The following ARL13B variants were observed in gnomAD, a reference collection of about 807,000 sequenced individuals.
The protein encoded by ARL13B is ARF like GTPase 13B.
A neutral mutation model predicts 56.1 loss-of-function variants in ARL13B; 36 were observed. The observed-to-expected ratio is 0.64, with a 90% confidence interval of 0.49 to 0.85. ARL13B has a LOEUF of 0.85. ARL13B is among the 40% of genes least tolerant of loss of function. The pLI is 0.00. For synonymous variants in ARL13B, 178 were observed against 171.1 expected, an observed-to-expected ratio of 1.04 and a Z score of -0.32; for missense variants, 519 against 507.1, an observed-to-expected ratio of 1.02 and a Z score of -0.23.
At chr3:94,035,939 G>C (rs1251697343) in intron 4 of ARL13B, among the ~76,000 whole-genome samples, 1 of 152,100 alleles carries the variant, frequency 6.6e-6, no homozygotes, top group Non-Finnish European at 1.5e-5. Flanking sequence ...GGGTGTGGTA[G>C]TGTGTTCCTG....
intron 3 of ARL13B, among the ~76,000 whole-genome samples, chr3:94,005,917 C>T (rs2076126351): frequency 2.6e-5 from 4 of 152,034 alleles, no homozygotes; most frequent in South Asian, 4.2e-4. Context: ...ATTGACTTAC[C>T]ATCCAGGGCC....
At chr3:94,047,769 A>C in intron 7 of ARL13B, 1 of 152,098 alleles carries the variant, frequency 6.6e-6, no homozygotes, top group East Asian at 1.9e-4. Context: ...TGGTGGTTGT[A>C]TTCTTCCACA....
intron 1 of ARL13B, among the ~76,000 whole-genome samples, chr3:93,988,103 T>G (rs1233131638): frequency 6.6e-6 from 1 of 152,114 alleles, no homozygotes; most frequent in Non-Finnish European, 1.5e-5. Flanking sequence ...TATACCCAAA[T>G]TTTCAATCTT....
In ARL13B at chr3:94,053,391, A is replaced by G. The variant is rs2077097224; in HGVS notation, c.*128A>G. On this transcript the variant is annotated 3_prime_UTR_variant, in exon 10 of 10. Coordinates refer to ENST00000394222, the MANE Select transcript of ARL13B (RefSeq NM_001174150.2). ...TAACCATAATAATTTTAGTGAGAAG[A>G]TTAATACTCAAGGACCTGACTTGAT... 3 of 844,204 alleles carry G rather than the reference A, an allele frequency of 3.6e-6. No individual in the cohort carries two copies. Among genetic ancestry groups the G allele is most frequent in the Non-Finnish European group, 5.9e-6 (3 of 509,546 alleles). 52.3% of individuals were successfully genotyped at this position (844,204 alleles called of 1,614,324 possible).
intron 3 of ARL13B, chr3:94,015,001 C>T (rs2076299894): frequency 6.2e-7 from 1 of 1,614,080 alleles, no homozygotes; most frequent in South Asian, 1.1e-5. Flanking sequence ...GGTAGACTCT[C>T]TCTTAAGTAG....
Position 93,995,541 on chromosome 3 carries a change from T to C in ARL13B, c.60-333T>C, listed in dbSNP as rs968043620. On this transcript the variant is annotated intron_variant, in intron 1 of 9. Coordinates refer to ENST00000394222, the MANE Select transcript of ARL13B (RefSeq NM_001174150.2). ...GCTTTCAATAAACTAGAAAATTGAG[T>C]CTTTAGCCATGATAGAGAACTCAGA... Among the ~76,000 whole-genome samples, 32 of 152,224 alleles carry C rather than the reference T, an allele frequency of 2.1e-4. No individual in the cohort carries two copies. In the South Asian group the frequency reaches 3.5e-3, roughly 17 times the overall value.
chr3:94,043,456 T>C (rs897654993), intron 7 of ARL13B, among the ~76,000 whole-genome samples: 9 of 150,596 alleles, frequency 6.0e-5, no homozygotes, highest in African/African-American at 2.2e-4. Context: ...TTGTAACTTA[T>C]AAGGATTTCA....
chr3:94,032,910 CTCAAGATGTTTA>C (rs1405244831), intron 3 of ARL13B, among the ~76,000 whole-genome samples: 12 of 152,156 alleles, frequency 7.9e-5, no homozygotes, highest in African/African-American at 2.9e-4. Context: ...GATATCTGAA[CTCAAGATGTTTA>C]TCACAGCATT....
At chr3:94,045,146 C>A (rs2076958666) in intron 7 of ARL13B, among the ~76,000 whole-genome samples, 1 of 151,928 alleles carries the variant, frequency 6.6e-6, no homozygotes, top group South Asian at 2.1e-4. Flanking sequence ...ATAACCTTAC[C>A]CCCAACCCTG....
intron 2 of ARL13B, among the ~76,000 whole-genome samples, chr3:94,001,587 T>G (rs552802638): frequency 7.6e-4 from 115 of 152,152 alleles, no homozygotes; most frequent in Non-Finnish European, 1.3e-3. Flanking sequence ...CTCTAGCTTA[T>G]TTTTTTTAAA....
Position 94,055,206 on chromosome 3 carries a change from T to G in ARL13B, c.*1943T>G, listed in dbSNP as rs2077124795. On this transcript the variant is annotated 3_prime_UTR_variant, in exon 10 of 10. Coordinates refer to ENST00000394222, the MANE Select transcript of ARL13B (RefSeq NM_001174150.2). The stretch of plus-strand genomic sequence containing the variant: ...TGTATTTTAACAATTAAATGCCTAT[T>G]TTGTTATATGTTATACTTTTATTCT... 2 of 385,144 alleles carry G rather than the reference T, an allele frequency of 5.2e-6. No individual in the cohort carries two copies. The highest frequency in any genetic ancestry group is 3.5e-5 in the Admixed American group (1 of 28,598). 23.9% of individuals were successfully genotyped at this position (385,144 alleles called of 1,614,324 possible). A position where few individuals can be genotyped will look rare whatever the true frequency, so the allele number is the denominator to read the frequency against.
intron 3 of ARL13B, among the ~76,000 whole-genome samples, chr3:94,015,655 T>C (rs1379137670): frequency 6.6e-6 from 1 of 152,182 alleles, no homozygotes; most frequent in Non-Finnish European, 1.5e-5. Context: ...ATGCCCTTGT[T>C]ACTAAAGATA....
intron 1 of ARL13B, among the ~76,000 whole-genome samples, chr3:93,993,524 A>G (rs1182133881): frequency 6.6e-6 from 1 of 152,148 alleles, no homozygotes; most frequent in African/African-American, 2.4e-5. Context: ...AGGCTCAAGC[A>G]GTCCTCCTGT....
chr3:94,052,975 T>C (rs1204603536), intron 9 of ARL13B, among the ~76,000 whole-genome samples: 18 of 152,050 alleles, frequency 1.2e-4, no homozygotes, highest in Admixed American at 1.1e-3. Context: ...TAGAGTATAA[T>C]TTGGCTCAAC....
At position 94,046,345 on chromosome 3, in the gene ARL13B, A is replaced by C. The variant is rs1251312533; in HGVS notation, c.1025-3061A>C. Among the ~76,000 whole-genome samples, 4 of 151,864 alleles carry C rather than the reference A, an allele frequency of 2.6e-5. No individual in the cohort carries two copies. The East Asian group carries it at 7.7e-4, about 29-fold the overall frequency. On this transcript the variant is annotated intron_variant, in intron 7 of 9. Coordinates refer to ENST00000394222, the MANE Select transcript of ARL13B (RefSeq NM_001174150.2). ...TGCTTTATATCATTTATATTCATTTATATTCCTTGAATATAAAATATTCCT... is the reference window on the plus strand; with the variant it reads ...TGCTTTATATCATTTATATTCATTTCTATTCCTTGAATATAAAATATTCCT...
chr3:94,034,739 TTC>T (rs2076737443), intron 3 of ARL13B, among the ~76,000 whole-genome samples: 1 of 152,204 alleles, frequency 6.6e-6, no homozygotes. Context: ...CCTCTTATTT[TTC>T]TGTTTTGTAG....
Position 94,035,253 on chromosome 3 carries a change from A to AC in ARL13B, c.381-78_381-77insC. ...CTCAGTCTCAAAAAAAAAAAAAAAA[A>AC]AGAATGTGGTCAAAATATCTTTAAG... On this transcript the variant is annotated intron_variant, in intron 3 of 9. Coordinates refer to ENST00000394222, the MANE Select transcript of ARL13B (RefSeq NM_001174150.2). The AC allele has an allele frequency of 2.8e-6, 3 of 1,071,264 alleles. No individual in the cohort carries two copies. The South Asian group carries it at 4.2e-5, about 15-fold the overall frequency. 66.4% of individuals were successfully genotyped at this position (1,071,264 alleles called of 1,614,324 possible).
chr3:94,030,514 G>A (rs2076657395), intron 3 of ARL13B, among the ~76,000 whole-genome samples: 1 of 151,352 alleles, frequency 6.6e-6, no homozygotes, highest in Non-Finnish European at 1.5e-5. Context: ...TTACAGGTGT[G>A]AGCCACCACG....
intron 3 of ARL13B, among the ~76,000 whole-genome samples, chr3:94,012,437 A>G (rs756901217): frequency 1.3e-5 from 2 of 152,254 alleles, no homozygotes; most frequent in South Asian, 2.1e-4. Context: ...CTGTAATTCT[A>G]CCTTTTAAAT....
Sources: allele counts gnomAD v4.1 joint callset (sites outside exome capture counted in the v4.1 genomes callset), GRCh38; gene constraint gnomAD v4.1.1; transcripts MANE v1.5; gene names NCBI Gene and HGNC (gene_info 2026-07-23, HGNC 2026-07-21).